The following RFPL1 variants were observed in gnomAD, a reference collection of about 807,000 sequenced individuals.
RFPL1 encodes ret finger protein-like 1.
RFPL1 carries 6 observed loss-of-function variants against 9.6 expected under a neutral mutation model. The ratio of observed to expected loss-of-function variants is 0.62; its 90% CI spans 0.34 to 1.23. The LOEUF (loss-of-function observed/expected upper bound fraction) is 1.23. Ranked by LOEUF, RFPL1 falls within the 50% of genes most tolerant of loss-of-function variation. The probability of loss-of-function intolerance (pLI) is 0.03; values close to 1 mark genes in which losing one functional copy is unlikely to be tolerated. For missense variants in RFPL1, 352 were observed against 398.4 expected (o/e 0.88, Z 0.99); for synonymous variants, 145 against 149.4 (o/e 0.97, Z 0.22).
At chr22:29,430,676 GA>G in the RFPL1 span, among the ~76,000 whole-genome samples, 450 of 152,076 alleles carry the variant, frequency 3.0e-3, 13 homozygotes, top group East Asian at 0.081. Flanking sequence ...TGTGATTTTA[GA>G]AAAAACATCT....
the RFPL1 span, among the ~76,000 whole-genome samples, chr22:29,406,809 A>T: frequency 1.3e-5 from 2 of 152,236 alleles, no homozygotes; most frequent in Admixed American, 6.5e-5. Context: ...GCAGGTTTGG[A>T]CGCCCGCTCC....
At chr22:29,433,591 C>T (rs992316211), upstream of RFPL1, 26 of 158,396 alleles carry the variant, frequency 1.6e-4, no homozygotes, top group African/African-American at 6.2e-4. Context: ...GGCCCACCAA[C>T]AGCCTTGGAA....
At chr22:29,417,833 C>T in the RFPL1 span, among the ~76,000 whole-genome samples, 2 of 151,954 alleles carry the variant, frequency 1.3e-5, no homozygotes, top group South Asian at 4.2e-4. Context: ...GAACAGTCTC[C>T]ATTTAGTGCT....
At chr22:29,441,750 G>T (rs1285205111) in exon 2 of RFPL1, 2 of 1,613,838 alleles carry the variant, frequency 1.2e-6, no homozygotes, top group Admixed American at 1.7e-5. Context: ...AATGGGACCT[G>T]GGAGTCTGCA....
At chr22:29,401,312 T>C in the RFPL1 span, among the ~76,000 whole-genome samples, 1 of 152,232 alleles carries the variant, frequency 6.6e-6, no homozygotes, top group Admixed American at 6.5e-5. Flanking sequence ...CCTTAATGAT[T>C]TGAGTTACTG....
the RFPL1 span, among the ~76,000 whole-genome samples, chr22:29,401,532 C>T: frequency 2.0e-5 from 3 of 152,188 alleles, no homozygotes; most frequent in African/African-American, 7.2e-5. Flanking sequence ...CAAACTAGGG[C>T]CTTAGCAGCC....
the RFPL1 span, among the ~76,000 whole-genome samples, chr22:29,428,453 GTAAAA>G: frequency 3.3e-5 from 5 of 152,076 alleles, no homozygotes. Flanking sequence ...GATCATCTAG[GTAAAA>G]TAAAATAAAG....
chr22:29,422,025 C>G, the RFPL1 span, among the ~76,000 whole-genome samples: 2 of 152,184 alleles, frequency 1.3e-5, no homozygotes, highest in Non-Finnish European at 2.9e-5. Flanking sequence ...AGGCATGTGT[C>G]AGTATCACTT....
the RFPL1 span, among the ~76,000 whole-genome samples, chr22:29,395,811 A>G: frequency 6.6e-6 from 1 of 152,044 alleles, no homozygotes; most frequent in African/African-American, 2.4e-5. Context: ...TGTCTCTACT[A>G]AAAACACAAA....
chr22:29,417,762 G>A, the RFPL1 span, among the ~76,000 whole-genome samples: 1 of 151,754 alleles, frequency 6.6e-6, no homozygotes, highest in Non-Finnish European at 1.5e-5. Context: ...TTAAAATCCA[G>A]TCTCTGCCTT....
chr22:29,439,257 G>A (rs2062825594), intron 1 of RFPL1, 93 bp downstream of exon 1: 2 of 1,493,224 alleles, frequency 1.3e-6, no homozygotes, highest in Admixed American at 4.3e-5. Context: ...GGGATTAGCT[G>A]CTGTCTGGCA....
At chr22:29,396,897 CTTTTTTT>C in the RFPL1 span, among the ~76,000 whole-genome samples, 31 of 72,582 alleles carry the variant, frequency 4.3e-4, no homozygotes, top group Non-Finnish European at 6.3e-4. Flanking sequence ...CCTGAAACTT[CTTTTTTT>C]TTTTTTTTTT....
chr22:29,409,287 G>T, the RFPL1 span, among the ~76,000 whole-genome samples: 2 of 152,050 alleles, frequency 1.3e-5, no homozygotes, highest in Non-Finnish European at 2.9e-5. Context: ...AGCCACAAAT[G>T]TACTTCCTGT....
chr22:29,418,742 C>T, the RFPL1 span, among the ~76,000 whole-genome samples: 12 of 152,108 alleles, frequency 7.9e-5, no homozygotes, highest in African/African-American at 2.9e-4. Flanking sequence ...TCGAGATCCG[C>T]CCACCTGGGC....
At chr22:29,422,050 A>G in the RFPL1 span, among the ~76,000 whole-genome samples, 1 of 152,146 alleles carries the variant, frequency 6.6e-6, no homozygotes, top group Admixed American at 6.5e-5. Flanking sequence ...GGAAGGAGGG[A>G]GGAAGGAAGG....
chr22:29,392,425 C>T, the RFPL1 span, among the ~76,000 whole-genome samples: 4 of 120,910 alleles, frequency 3.3e-5, no homozygotes, highest in African/African-American at 9.8e-5. Flanking sequence ...ACAGAGTCTC[C>T]GTCACTCAGG....
chr22:29,409,545 A>G, the RFPL1 span, among the ~76,000 whole-genome samples: 1 of 152,156 alleles, frequency 6.6e-6, no homozygotes, highest in African/African-American at 2.4e-5. Context: ...AGCAGCACCA[A>G]TGCACTGACT....
chr22:29,437,642 CA>C, upstream of RFPL1: 1 of 1,594,200 alleles, frequency 6.3e-7, no homozygotes, highest in Non-Finnish European at 8.5e-7. Flanking sequence ...GGAATCTCAC[CA>C]ATAAAACGCC....
the RFPL1 span, among the ~76,000 whole-genome samples, chr22:29,403,016 T>C: frequency 0.085 from 12,267 of 144,334 alleles, 634 homozygotes; most frequent in East Asian, 0.23. Flanking sequence ...GTACTAGCCA[T>C]TGGGCAGGGC....
Sources: gnomAD v4.1 joint callset for allele counts (sites outside exome capture counted in the v4.1 genomes callset) on GRCh38, gnomAD v4.1.1 for gene constraint, MANE v1.5 for transcripts, NCBI Gene and HGNC (gene_info 2026-07-23, HGNC 2026-07-21) for gene names.